The following FGD4 variants were observed in gnomAD, a reference collection of about 807,000 sequenced individuals.
The protein encoded by FGD4 is FYVE, RhoGEF and PH domain containing 4, also known as FYVE, RhoGEF and PH domain-containing protein 4.
Under a neutral mutation model 102.0 loss-of-function variants are expected in FGD4, and 42 were observed. That is an observed-to-expected ratio of 0.41 (90% CI 0.32 to 0.53). The LOEUF (loss-of-function observed/expected upper bound fraction) is 0.53, where lower values mean the gene tolerates loss of function less well. FGD4 is among the 20% of genes least tolerant of loss of function. The pLI is 0.21. For synonymous variants in FGD4, 380 were observed against 375.7 expected (o/e 1.01, Z -0.13); for missense variants, 902 against 1,078.2 (o/e 0.84, Z 2.29).
intron 1 of FGD4, among the ~76,000 whole-genome samples, chr12:32,538,681 G>A (rs918825802): frequency 1.3e-5 from 2 of 152,124 alleles, no homozygotes; most frequent in East Asian, 1.9e-4. Flanking sequence ...TGAGGGAGAA[G>A]CTTTGGGGTG....
chr12:32,491,179 T>C (rs1944083932), intron 1 of FGD4, among the ~76,000 whole-genome samples: 1 of 144,280 alleles, frequency 6.9e-6, no homozygotes, highest in African/African-American at 2.5e-5. Flanking sequence ...GAAAGGTATA[T>C]AAGCATTATA....
intron 2 of FGD4, among the ~76,000 whole-genome samples, chr12:32,567,005 C>T (rs1178075187): frequency 3.9e-5 from 6 of 152,166 alleles, no homozygotes; most frequent in Admixed American, 2.0e-4. Context: ...GTGTAGCCCT[C>T]CTGTGCAAAT....
intron 15 of FGD4, among the ~76,000 whole-genome samples, chr12:32,634,224 A>G (rs1052799044): frequency 1.3e-5 from 2 of 151,622 alleles, no homozygotes; most frequent in African/African-American, 2.4e-5. Context: ...CAAATATTTC[A>G]GTATTAATTG....
intron 1 of FGD4, among the ~76,000 whole-genome samples, chr12:32,481,068 C>A (rs572740723): frequency 7.8e-6 from 1 of 127,792 alleles, no homozygotes; most frequent in Non-Finnish European, 1.6e-5. Context: ...CCCCGGCTTG[C>A]GGTGAGCTGA....
chr12:32,420,320 C>T (rs574506331), intron 1 of FGD4, among the ~76,000 whole-genome samples: 8 of 152,288 alleles, frequency 5.3e-5, no homozygotes, highest in African/African-American at 1.4e-4. Flanking sequence ...CTAGCACCTA[C>T]TACAAGTTAC....
intron 1 of FGD4, among the ~76,000 whole-genome samples, chr12:32,555,526 C>T (rs1174617885): frequency 6.7e-6 from 1 of 149,898 alleles, no homozygotes; most frequent in Non-Finnish European, 1.5e-5. Flanking sequence ...GAACCAAGCA[C>T]TAATCCAAGT....
intron 1 of FGD4, among the ~76,000 whole-genome samples, chr12:32,504,741 A>T (rs1938541235): frequency 6.6e-6 from 1 of 152,192 alleles, no homozygotes; most frequent in South Asian, 2.1e-4. Context: ...TGAAACTTTG[A>T]ACAAAGTGCT....
chr12:32,501,173 T>C (rs1213419970), intron 1 of FGD4, among the ~76,000 whole-genome samples: 1 of 152,240 alleles, frequency 6.6e-6, no homozygotes, highest in Non-Finnish European at 1.5e-5. Flanking sequence ...CACTTCAGCC[T>C]TCTGTGTAGC....
At chr12:32,442,350 G>A (rs970183373) in intron 1 of FGD4, among the ~76,000 whole-genome samples, 13 of 152,070 alleles carry the variant, frequency 8.5e-5, no homozygotes, top group African/African-American at 3.1e-4. Context: ...ACTGCGCCCG[G>A]CCAGGACTGT....
At chr12:32,473,100 G>T (rs1438014591) in intron 1 of FGD4, among the ~76,000 whole-genome samples, 2 of 151,724 alleles carry the variant, frequency 1.3e-5, no homozygotes, top group Non-Finnish European at 2.9e-5. Context: ...TTGGGGACGT[G>T]GAGAACCTTT....
chr12:32,640,934 T>A lies in FGD4; in HGVS notation c.*401T>A, dbSNP rs1951127591. The A allele has an allele frequency of 9.2e-6, 3 of 325,122 alleles. No individual in the cohort carries two copies. The East Asian group carries it at 1.9e-4, about 21-fold the overall frequency. 20.1% of individuals were successfully genotyped at this position (325,122 alleles called of 1,614,324 possible). The stretch of plus-strand genomic sequence containing the variant: ...TATACCTCCATGTTGCCAAAATAGA[T>A]CCATGGTGAAAAATACAGGGACAGT... On this transcript the variant is annotated 3_prime_UTR_variant, in exon 17 of 17. Transcript: ENST00000534526.
At chr12:32,528,250 C>G (rs963692349) in intron 1 of FGD4, among the ~76,000 whole-genome samples, 1 of 152,156 alleles carries the variant, frequency 6.6e-6, no homozygotes, top group Non-Finnish European at 1.5e-5. Flanking sequence ...AAAGTTTCTT[C>G]TTAACAGTAC....
chr12:32,467,754 G>A (rs777896082), intron 1 of FGD4, among the ~76,000 whole-genome samples: 20 of 152,030 alleles, frequency 1.3e-4, no homozygotes, highest in Non-Finnish European at 1.8e-4. Context: ...GGTGGCTCAC[G>A]CCTGTAATCC....
chr12:32,526,433 G>C (rs1056466795), intron 1 of FGD4, among the ~76,000 whole-genome samples: 2 of 152,176 alleles, frequency 1.3e-5, no homozygotes, highest in Non-Finnish European at 2.9e-5. Flanking sequence ...TGGGGCCTTG[G>C]AGAACCTGGG....
intron 1 of FGD4, among the ~76,000 whole-genome samples, chr12:32,406,735 A>T (rs1940949167): frequency 6.6e-6 from 1 of 152,126 alleles, no homozygotes; most frequent in Non-Finnish European, 1.5e-5. Flanking sequence ...ATTGCTAATT[A>T]AAAATCTCTA....
At chr12:32,600,460 G>A (rs1948308739) in intron 5 of FGD4, 1 of 1,286,094 alleles carries the variant, frequency 7.8e-7, no homozygotes. Flanking sequence ...TGGACATTAT[G>A]AAGGAATAGA....
At chr12:32,533,815 A>G (rs1379790561) in intron 1 of FGD4, among the ~76,000 whole-genome samples, 1 of 152,384 alleles carries the variant, frequency 6.6e-6, no homozygotes, top group East Asian at 1.9e-4. Context: ...ATATTTTACC[A>G]GTTAAACTAT....
chr12:32,402,235 G>A (rs936878502), intron 1 of FGD4, among the ~76,000 whole-genome samples: 1 of 150,852 alleles, frequency 6.6e-6, no homozygotes, highest in African/African-American at 2.4e-5. Flanking sequence ...GAGCCCAGGA[G>A]TTTGAGACCG....
chr12:32,433,217 G>A (rs1010494780), intron 1 of FGD4, among the ~76,000 whole-genome samples: 3 of 152,086 alleles, frequency 2.0e-5, no homozygotes, highest in Non-Finnish European at 4.4e-5. Context: ...AGCTGGAATC[G>A]AACTCCTGGC....
Sources: allele counts gnomAD v4.1 joint callset (sites outside exome capture counted in the v4.1 genomes callset), GRCh38; gene constraint gnomAD v4.1.1; transcripts MANE v1.5; gene names NCBI Gene and HGNC (gene_info 2026-07-23, HGNC 2026-07-21).